FRAS1: variants seen among roughly 807,000 people sequenced by gnomAD.
FRAS1 encodes the protein Fraser extracellular matrix complex subunit 1.
A neutral mutation model predicts 435.2 loss-of-function variants in FRAS1; 290 were observed. That is an observed-to-expected ratio of 0.67 (90% CI 0.61 to 0.73). The LOEUF is 0.73. FRAS1 is among the 30% of genes least tolerant of loss of function. FRAS1 has a pLI of 0.00. For synonymous variants in FRAS1, 1,800 were observed against 1,851.0 expected (o/e 0.97, Z 0.71); for missense variants, 4,860 against 5,001.5 (o/e 0.97, Z 0.85).
rs1228206207 is a variant in FRAS1, at chr4:78,333,322, A to G, written c.2188A>G (p.Thr730Ala). 3.1e-6 allele frequency: 5 copies of G among 1,612,488 alleles called. No homozygotes were observed. Among genetic ancestry groups the G allele is most frequent in the Non-Finnish European group, 3.4e-6 (4 of 1,179,296 alleles). Residue 730 changes from threonine to alanine, a missense_variant, in exon 19 of 74, where the codon ACA (threonine) becomes GCA (alanine). Physicochemically the swap from Thr to Ala is moderately conservative, Grantham distance 58. Coordinates refer to ENST00000512123, the MANE Select transcript of FRAS1 (RefSeq NM_025074.7). Reference protein sequence around the residue: ...RCAGKSPHNCTDCGPSHVLLD... With the variant: ...RCAGKSPHNCADCGPSHVLLD... ...TGCAGGGAAAAGCCCACATAACTGC[A>G]CAGACTGTGGGCCTTCCCATGTGCT...
At chr4:78,183,115 T>G (rs556804594) in intron 2 of FRAS1, among the ~76,000 whole-genome samples, 15 of 151,778 alleles carry the variant, frequency 9.9e-5, no homozygotes, top group African/African-American at 3.1e-4. Flanking sequence ...GGGTCGAGAG[T>G]GTCCAGAGTT....
chr4:78,387,009 G>T (rs1732241313), intron 28 of FRAS1, among the ~76,000 whole-genome samples: 1 of 152,188 alleles, frequency 6.6e-6, no homozygotes, highest in African/African-American at 2.4e-5. Flanking sequence ...GGCCTGGAGT[G>T]AAGTGTGTCC....
At chr4:78,418,536 C>G (rs1040286108) in intron 32 of FRAS1, among the ~76,000 whole-genome samples, 2 of 152,112 alleles carry the variant, frequency 1.3e-5, no homozygotes, top group Non-Finnish European at 2.9e-5. Context: ...AGAGCCAGAC[C>G]CTGTCTCTTA....
intron 2 of FRAS1, among the ~76,000 whole-genome samples, chr4:78,117,658 G>T (rs564472702): frequency 6.6e-6 from 1 of 152,034 alleles, no homozygotes; most frequent in African/African-American, 2.4e-5. Context: ...TGTAGTTCTC[G>T]TGCCATGGTT....
At chr4:78,065,328 T>TAC (rs1305709825) in intron 1 of FRAS1, among the ~76,000 whole-genome samples, 1 of 151,204 alleles carries the variant, frequency 6.6e-6, no homozygotes, top group East Asian at 1.9e-4. Flanking sequence ...CTATATGTAG[T>TAC]ACACACACAC....
intron 20 of FRAS1, among the ~76,000 whole-genome samples, chr4:78,355,025 G>A (rs776003084): frequency 6.6e-6 from 1 of 152,084 alleles, no homozygotes; most frequent in African/African-American, 2.4e-5. Flanking sequence ...CAGCTGCAGG[G>A]TGACATATTA....
chr4:78,322,884 G>A (rs1729564530), intron 18 of FRAS1, among the ~76,000 whole-genome samples: 1 of 152,174 alleles, frequency 6.6e-6, no homozygotes, highest in Non-Finnish European at 1.5e-5. Context: ...CAAATGAAAA[G>A]TCCTTTTCTC....
chr4:78,131,860 T>C (rs889658217), intron 2 of FRAS1, among the ~76,000 whole-genome samples: 3 of 152,246 alleles, frequency 2.0e-5, no homozygotes, highest in Non-Finnish European at 4.4e-5. Flanking sequence ...AAATTATTTT[T>C]GCCAGCATTA....
intron 2 of FRAS1, among the ~76,000 whole-genome samples, chr4:78,188,047 G>C (rs1722348981): frequency 6.6e-6 from 1 of 152,094 alleles, no homozygotes; most frequent in East Asian, 1.9e-4. Flanking sequence ...CCAAGTGTAG[G>C]GTGCATATGA....
intron 29 of FRAS1, among the ~76,000 whole-genome samples, chr4:78,397,609 G>T (rs1025953043): frequency 3.3e-5 from 5 of 152,112 alleles, no homozygotes; most frequent in African/African-American, 1.2e-4. Context: ...TGTGAGCAAG[G>T]CTCTTGGTGG....
Position 78,432,388 on chromosome 4 carries a change from A to T in FRAS1, c.5001A>T (p.Lys1667Asn), listed in dbSNP as rs1560724144. Reference protein sequence around the residue: ...GDTFTYEDVEKNALQYIHDGS... With the variant: ...GDTFTYEDVENNALQYIHDGS... ...CTTTCACCTATGAGGATGTTGAGAAAAATGCTCTACAGTATATACATGATG... is the reference window on the plus strand; with the variant it reads ...CTTTCACCTATGAGGATGTTGAGAATAATGCTCTACAGTATATACATGATG... The change falls in exon 38 of 74, where the codon AAA becomes AAT. Residue 1667 changes from lysine (K) to asparagine (N), a missense_variant. Transcript: ENST00000512123. 6.2e-7 allele frequency: 1 copy of T among 1,604,766 alleles called. No individual in the cohort carries two copies. The highest frequency in any genetic ancestry group is 8.5e-7 in the Non-Finnish European group (1 of 1,175,178).
intron 31 of FRAS1, among the ~76,000 whole-genome samples, chr4:78,409,250 A>G (rs1471998235): frequency 6.6e-6 from 1 of 151,762 alleles, no homozygotes; most frequent in African/African-American, 2.4e-5. Flanking sequence ...GGCCACTTGG[A>G]ATATTTTAAA....
At chr4:78,103,379 C>T (rs190589970) in intron 2 of FRAS1, among the ~76,000 whole-genome samples, 2 of 152,290 alleles carry the variant, frequency 1.3e-5, no homozygotes, top group East Asian at 1.9e-4. Context: ...AAGTGTCTTT[C>T]TGGATCTTCA....
intron 2 of FRAS1, among the ~76,000 whole-genome samples, chr4:78,145,433 ATTT>A (rs1478091748): frequency 6.6e-6 from 1 of 152,044 alleles, no homozygotes; most frequent in Admixed American, 6.6e-5. Context: ...TCATATTATT[ATTT>A]TATCATGATT....
chr4:78,268,501 CT>C (rs1726487741), intron 9 of FRAS1, among the ~76,000 whole-genome samples: 1 of 152,142 alleles, frequency 6.6e-6, no homozygotes, highest in South Asian at 2.1e-4. Context: ...AATCAGGGCC[CT>C]TTTTTGTTGT....
intron 2 of FRAS1, among the ~76,000 whole-genome samples, chr4:78,151,596 G>C (rs529568772): frequency 3.9e-5 from 6 of 152,298 alleles, no homozygotes; most frequent in African/African-American, 1.4e-4. Flanking sequence ...GCTAATGGAA[G>C]TCGAAGATCA....
At chr4:78,086,617 A>G (rs1256151155) in intron 2 of FRAS1, among the ~76,000 whole-genome samples, 2 of 152,252 alleles carry the variant, frequency 1.3e-5, no homozygotes, top group Non-Finnish European at 2.9e-5. Context: ...CCACAGAAAT[A>G]CAAACTACCA....
At chr4:78,112,185 G>C (rs1742764680) in intron 2 of FRAS1, among the ~76,000 whole-genome samples, 1 of 152,034 alleles carries the variant, frequency 6.6e-6, no homozygotes, top group African/African-American at 2.4e-5. Context: ...CATGTGGTTA[G>C]CATATTTTTG....
intron 15 of FRAS1, among the ~76,000 whole-genome samples, chr4:78,311,455 T>C (rs1275005775): frequency 6.6e-6 from 1 of 152,140 alleles, no homozygotes; most frequent in Non-Finnish European, 1.5e-5. Flanking sequence ...GCCCCCGTCA[T>C]ATTACCCATC....
Sources: allele counts gnomAD v4.1 joint callset (sites outside exome capture counted in the v4.1 genomes callset), GRCh38; gene constraint gnomAD v4.1.1; transcripts MANE v1.5; gene names NCBI Gene and HGNC (gene_info 2026-07-23, HGNC 2026-07-21).